The following PPP3CA variants were observed in gnomAD, a reference collection of about 807,000 sequenced individuals.
PPP3CA encodes protein phosphatase 3 catalytic subunit alpha, also known as CAM-PRP catalytic subunit.
Under a neutral mutation model 66.5 loss-of-function variants are expected in PPP3CA, and 14 were observed. The ratio of observed to expected loss-of-function variants is 0.21; its 90% confidence interval spans 0.14 to 0.33. The LOEUF is 0.33. Ranked by LOEUF, PPP3CA falls within the 10% of genes least tolerant of loss-of-function variation. The pLI is 1.00. For synonymous variants in PPP3CA, 232 were observed against 226.2 expected, an observed-to-expected ratio of 1.03 and a Z score of -0.23; for missense variants, 317 against 639.5, an observed-to-expected ratio of 0.50 and a Z score of 5.44.
At chr4:101,087,457 CTCA>C (rs1275454131) in intron 6 of PPP3CA, among the ~76,000 whole-genome samples, 1 of 152,156 alleles carries the variant, frequency 6.6e-6, no homozygotes, top group Admixed American at 6.5e-5. Flanking sequence ...CCAGAAACTC[CTCA>C]TATTTCTCTT....
At chr4:101,067,728 A>G (rs1045689257) in intron 8 of PPP3CA, among the ~76,000 whole-genome samples, 1 of 151,230 alleles carries the variant, frequency 6.6e-6, no homozygotes, top group African/African-American at 2.4e-5. Flanking sequence ...TGACGAGTTA[A>G]TGGGTGCAGC....
chr4:101,275,895 TTTG>T (rs1727479315), intron 1 of PPP3CA, among the ~76,000 whole-genome samples: 1 of 149,122 alleles, frequency 6.7e-6, no homozygotes, highest in African/African-American at 2.6e-5. Context: ...TTGTTTGTTT[TTTG>T]TTTTTTGTTT....
intron 1 of PPP3CA, among the ~76,000 whole-genome samples, chr4:101,275,484 A>G (rs1727461573): frequency 6.6e-6 from 1 of 152,194 alleles, no homozygotes; most frequent in African/African-American, 2.4e-5. Context: ...CACTGCATAA[A>G]AGATATAAGG....
chr4:101,106,402 A>AAAGG, intron 3 of PPP3CA, among the ~76,000 whole-genome samples: 2 of 8,670 alleles, frequency 2.3e-4, no homozygotes, highest in East Asian at 5.6e-3. Flanking sequence ...AGAAAGAAAG[A>AAAGG]AAGAAAGAAA....
intron 8 of PPP3CA, among the ~76,000 whole-genome samples, chr4:101,067,721 C>T (rs904073361): frequency 2.0e-5 from 3 of 150,742 alleles, no homozygotes; most frequent in Non-Finnish European, 3.0e-5. Flanking sequence ...TGCTAAATGA[C>T]GAGTTAATGG....
chr4:101,256,017 A>T lies in PPP3CA; in HGVS notation c.59-59901T>A, dbSNP rs911253959. 2.6e-5 allele frequency among the ~76,000 whole-genome samples: 4 copies of T among 151,982 alleles called. No homozygotes were observed. In the South Asian group the frequency reaches 6.2e-4, roughly 24 times the overall value. ...TAAACTATGGTCATTAGATAGTTAAAGTAATTGGTGGATTACCAGTATCCC... is the reference window on the plus strand; with the variant it reads ...TAAACTATGGTCATTAGATAGTTAATGTAATTGGTGGATTACCAGTATCCC... On this transcript the variant is annotated intron_variant, in intron 1 of 13. Transcript: ENST00000394854.
At chr4:101,067,501 A>G (rs1314502319) in intron 8 of PPP3CA, among the ~76,000 whole-genome samples, 2 of 151,080 alleles carry the variant, frequency 1.3e-5, no homozygotes, top group African/African-American at 4.9e-5. Context: ...TCTGTAAAAC[A>G]GGGGGTCTTT....
rs1726496110 is a variant in PPP3CA at position 101,023,865 on chromosome 4, A to G, written c.*2000T>C. 1 of 152,668 alleles carries G rather than the reference A, an allele frequency of 6.6e-6. No homozygotes were observed. The highest frequency in any genetic ancestry group is 2.1e-4 in the South Asian group (1 of 4,834). 9.5% of individuals were successfully genotyped at this position (152,668 alleles called of 1,614,324 possible). A position where few individuals can be genotyped will look rare whatever the true frequency, so the allele number is the denominator to read the frequency against. On this transcript the variant is annotated 3_prime_UTR_variant, in exon 14 of 14. Coordinates refer to ENST00000394854, the MANE Select transcript of PPP3CA (RefSeq NM_000944.5). ...AACAAACTGAAATTTGGTGTATCTT[A>G]AATCTTCGGGTGATGATTAGATAGT...
At chr4:101,326,127 C>T (rs1729201153) in intron 1 of PPP3CA, among the ~76,000 whole-genome samples, 1 of 152,024 alleles carries the variant, frequency 6.6e-6, no homozygotes, top group African/African-American at 2.4e-5. Context: ...CAGAGTGAGA[C>T]TCTGTCTCCA....
intron 1 of PPP3CA, among the ~76,000 whole-genome samples, chr4:101,286,746 A>G (rs1727857868): frequency 6.6e-6 from 1 of 152,208 alleles, no homozygotes; most frequent in Middle Eastern, 3.2e-3. Context: ...AAAATTAAGT[A>G]TAAGAAATTC....
intron 1 of PPP3CA, among the ~76,000 whole-genome samples, chr4:101,220,936 G>A (rs1279120167): frequency 6.6e-6 from 1 of 151,710 alleles, no homozygotes; most frequent in African/African-American, 2.4e-5. Flanking sequence ...TCATGAGAAA[G>A]TCCAACTATT....
intron 2 of PPP3CA, among the ~76,000 whole-genome samples, chr4:101,188,804 C>G (rs1417089884): frequency 1.3e-5 from 2 of 152,100 alleles, no homozygotes; most frequent in Non-Finnish European, 2.9e-5. Context: ...GCTATCTGAC[C>G]TCCAGGTCAA....
At chr4:101,200,642 A>G (rs1724940018) in intron 1 of PPP3CA, among the ~76,000 whole-genome samples, 2 of 152,126 alleles carry the variant, frequency 1.3e-5, no homozygotes, top group South Asian at 4.1e-4. Context: ...CAGGAAACAT[A>G]AGTATATCCG....
chr4:101,181,718 C>A (rs933609940), intron 2 of PPP3CA, among the ~76,000 whole-genome samples: 10 of 152,010 alleles, frequency 6.6e-5, no homozygotes, highest in Non-Finnish European at 1.5e-4. Flanking sequence ...TCTTACAATT[C>A]TATGATTATA....
chr4:101,217,811 T>C (rs933803834), intron 1 of PPP3CA, among the ~76,000 whole-genome samples: 5 of 152,056 alleles, frequency 3.3e-5, no homozygotes, highest in Admixed American at 6.6e-5. Context: ...GTGCAGTCGG[T>C]TGTACAGTGT....
chr4:101,339,097 T>C (rs949239779), intron 1 of PPP3CA, among the ~76,000 whole-genome samples: 1 of 152,198 alleles, frequency 6.6e-6, no homozygotes, highest in African/African-American at 2.4e-5. Flanking sequence ...TTCCACTGGA[T>C]GGCATCCAAT....
At chr4:101,060,980 C>T (rs1382083475) in intron 10 of PPP3CA, 107 bp downstream of exon 10, 12 of 924,204 alleles carry the variant, frequency 1.3e-5, no homozygotes, top group East Asian at 7.5e-5. Flanking sequence ...AATAATGTTA[C>T]GTTTTAAACA....
intron 2 of PPP3CA, among the ~76,000 whole-genome samples, chr4:101,194,437 A>G (rs1169423996): frequency 6.6e-6 from 1 of 152,226 alleles, no homozygotes; most frequent in Non-Finnish European, 1.5e-5. Context: ...ACACTATTCT[A>G]TGTCTAAATC....
At chr4:101,194,151 T>C (rs1242322393) in intron 2 of PPP3CA, among the ~76,000 whole-genome samples, 1 of 152,184 alleles carries the variant, frequency 6.6e-6, no homozygotes, top group Non-Finnish European at 1.5e-5. Flanking sequence ...ATTCCTCCTC[T>C]ACCTGACCCT....
Sources: allele counts gnomAD v4.1 joint callset (sites outside exome capture counted in the v4.1 genomes callset), GRCh38; gene constraint gnomAD v4.1.1; transcripts MANE v1.5; gene names NCBI Gene and HGNC (gene_info 2026-07-23, HGNC 2026-07-21).